Variants in XCR1 observed in about 807,000 individuals in gnomAD.
XCR1 encodes the protein X-C motif chemokine receptor 1, also known as chemokine XC receptor 1.
For synonymous variants in XCR1, 187 were observed against 188.5 expected (o/e 0.99, Z 0.06); for missense variants, 356 against 424.2 (o/e 0.84, Z 1.41).
rs1042284892 is a variant in XCR1 at position 46,022,000 on chromosome 3, G to A, written c.-31-22C>T. On this transcript the variant is annotated intron_variant, in intron 1 of 1. Transcript: ENST00000309285. The surrounding 1 kb of genome is among the most constrained non-coding windows in gnomAD (Gnocchi z 4.7). Reference sequence around the variant, plus strand: ...GCATCTGAAATGATAGAGACATGGAGTTTAAAGCCATGTGGTGGCTGGGTA... The same window carrying A: ...GCATCTGAAATGATAGAGACATGGAATTTAAAGCCATGTGGTGGCTGGGTA... 19 of 1,549,008 alleles carry A rather than the reference G, an allele frequency of 1.2e-5. No homozygotes were observed. In the African/African-American group the frequency reaches 2.1e-4, roughly 17 times the overall value.
At chr3:46,070,118 T>C (rs1219060971) in intron 3 of XCR1, among the ~76,000 whole-genome samples, 1 of 152,142 alleles carries the variant, frequency 6.6e-6, no homozygotes, top group African/African-American at 2.4e-5. Flanking sequence ...TATTGATTTC[T>C]AGTTTTATTC....
In XCR1 at chr3:46,020,797, T is replaced by C. The variant is rs1020555534; in HGVS notation, c.*149A>G. 33 of 1,109,134 alleles carry C rather than the reference T, an allele frequency of 3.0e-5. No homozygotes were observed. The East Asian group carries it at 8.6e-4, about 29-fold the overall frequency. The allele number at this position is 1,109,134 out of a possible 1,614,324, so 68.7% of individuals were successfully genotyped here. On this transcript the variant is annotated 3_prime_UTR_variant, in exon 2 of 2. Coordinates refer to ENST00000309285, the MANE Select transcript of XCR1 (RefSeq NM_001024644.2). ...ATGAGAGGCTGGCGGGACCCACTGG[T>C]GTAATGAATGACCTTCACTGCACGC...
At chr3:46,085,830 G>T (rs940840756), upstream of XCR1, among the ~76,000 whole-genome samples, 3 of 152,158 alleles carry the variant, frequency 2.0e-5, no homozygotes, top group Admixed American at 6.5e-5. Context: ...GCATCTGGGA[G>T]CTTGTTAGAA....
intron 4 of XCR1, among the ~76,000 whole-genome samples, chr3:46,061,122 G>T (rs1307922716): frequency 6.6e-6 from 1 of 152,134 alleles, no homozygotes; most frequent in Admixed American, 6.5e-5. Flanking sequence ...TTTTGGTGGG[G>T]GGAATGGGAG....
intron 1 of XCR1, among the ~76,000 whole-genome samples, chr3:46,081,545 G>A (rs1302853919): frequency 6.6e-6 from 1 of 152,146 alleles, no homozygotes; most frequent in Non-Finnish European, 1.5e-5. Context: ...AAAAATCATG[G>A]CCTGTAACTG....
intron 5 of XCR1, among the ~76,000 whole-genome samples, chr3:46,033,040 T>C (rs1169507367): frequency 6.6e-6 from 1 of 152,198 alleles, no homozygotes; most frequent in East Asian, 1.9e-4. Context: ...ATATCCAAAA[T>C]TTTTTTCAAA....
rs767644121 is a variant in XCR1 at position 46,020,244 on chromosome 3, C to T, written c.*702G>A. The T allele has an allele frequency of 2.0e-5, 3 of 152,250 alleles. No homozygotes were observed. The highest frequency in any genetic ancestry group is 4.4e-5 in the Non-Finnish European group (3 of 68,046). The allele number at this position is 152,250 out of a possible 1,614,324, so 9.4% of individuals were successfully genotyped here. Reference sequence around the variant, plus strand: ...TGTATCTCATTCATCTTTGTATTCTCTGAATAAATACTTAGTGCAGAAGGT... The same window carrying T: ...TGTATCTCATTCATCTTTGTATTCTTTGAATAAATACTTAGTGCAGAAGGT... On this transcript the variant is annotated 3_prime_UTR_variant, in exon 2 of 2. Transcript: ENST00000309285.
chr3:46,033,407 C>T (rs982321587), intron 5 of XCR1, among the ~76,000 whole-genome samples: 5 of 152,124 alleles, frequency 3.3e-5, no homozygotes, highest in African/African-American at 1.2e-4. Context: ...TGTAGATGTA[C>T]AATTGTTCTA....
chr3:46,059,591 A>C (rs1459203720), intron 4 of XCR1, among the ~76,000 whole-genome samples: 1 of 152,170 alleles, frequency 6.6e-6, no homozygotes, highest in Non-Finnish European at 1.5e-5. Flanking sequence ...TAAAAAAAAA[A>C]CTTTCACTCT....
intron 3 of XCR1, among the ~76,000 whole-genome samples, chr3:46,071,863 G>A (rs1252034778): frequency 6.6e-6 from 1 of 151,912 alleles, no homozygotes; most frequent in South Asian, 2.1e-4. Flanking sequence ...CATACTGAAC[G>A]GTGGAAAGTT....
intron 3 of XCR1, among the ~76,000 whole-genome samples, chr3:46,068,781 CGTGT>C (rs10583362): frequency 0.23 from 34,679 of 150,100 alleles, 4,198 homozygotes; most frequent in Middle Eastern, 0.32. Flanking sequence ...ACATCATGGA[CGTGT>C]GTGTGTGTGT....
At chr3:46,059,199 C>T (rs2036295) in intron 4 of XCR1, among the ~76,000 whole-genome samples, 48,669 of 152,068 alleles carry the variant, frequency 0.32, 9,993 homozygotes, top group African/African-American at 0.59. Flanking sequence ...TCTGTCTCAG[C>T]CTGTACCTAT....
At chr3:46,064,235 C>G (rs1486821280) in intron 4 of XCR1, among the ~76,000 whole-genome samples, 1 of 152,124 alleles carries the variant, frequency 6.6e-6, no homozygotes, top group Non-Finnish European at 1.5e-5. Context: ...ATATCATGTG[C>G]CAGGCACTGC....
Position 46,020,612 on chromosome 3 carries a change from C to A in XCR1, c.*334G>T, listed in dbSNP as rs1162045455. On this transcript the variant is annotated 3_prime_UTR_variant, in exon 2 of 2. Transcript: ENST00000309285. ...GCCCTGTAAAGTCTCCAAGGAAGCA[C>A]CTTTCCCAGAATCCTTTCATGTCTT... 2 of 313,876 alleles carry A rather than the reference C, an allele frequency of 6.4e-6. No individual in the cohort carries two copies. Among genetic ancestry groups the A allele is most frequent in the Non-Finnish European group, 1.2e-5 (2 of 168,922 alleles). The allele number at this position is 313,876 out of a possible 1,614,324, so 19.4% of individuals were successfully genotyped here. A position where few individuals can be genotyped will look rare whatever the true frequency, so the allele number is the denominator to read the frequency against.
At chr3:46,048,894 G>A (rs927145475) in intron 5 of XCR1, among the ~76,000 whole-genome samples, 3 of 152,176 alleles carry the variant, frequency 2.0e-5, no homozygotes, top group Non-Finnish European at 4.4e-5. Flanking sequence ...AATGTTTGAT[G>A]TGCCTGCTCT....
intron 1 of XCR1, among the ~76,000 whole-genome samples, chr3:46,026,586 CT>C (rs113662841): frequency 0.031 from 4,371 of 142,688 alleles, 136 homozygotes; most frequent in African/African-American, 0.086. Flanking sequence ...TCTTCTTCTT[CT>C]TTTTTTTTTT....
chr3:46,084,667 T>C lies in XCR1; in HGVS notation c.-515+1127A>G, dbSNP rs566352463. ...CTTGTACAGATGTAGCTGGAGGCCATTATCCTAGGCGAATTAATGCAGGAA... is the reference window on the plus strand; with the variant it reads ...CTTGTACAGATGTAGCTGGAGGCCACTATCCTAGGCGAATTAATGCAGGAA... On this transcript the variant is annotated intron_variant, in intron 1 of 5. Coordinates refer to the XCR1 transcript ENST00000683768. Among the ~76,000 whole-genome samples the C allele has an allele frequency of 2.6e-5, 4 of 152,340 alleles. 1 individual carries two copies. In the South Asian group the frequency reaches 8.3e-4, roughly 32 times the overall value.
At chr3:46,060,537 G>A (rs1421600297) in intron 4 of XCR1, among the ~76,000 whole-genome samples, 1 of 152,158 alleles carries the variant, frequency 6.6e-6, no homozygotes, top group Non-Finnish European at 1.5e-5. Context: ...AAGTGGCAGG[G>A]TGGCAGTTTT....
rs1350126306 is a variant in XCR1 at position 46,018,235 on chromosome 3, T to C, written c.*2711A>G. On this transcript the variant is annotated 3_prime_UTR_variant, in exon 2 of 2. Coordinates refer to ENST00000309285, the MANE Select transcript of XCR1 (RefSeq NM_001024644.2). ...TACAAGAGAAGCATCTTGGGATGGG[T>C]AGGAATGGGATGGCATGGGGAGAGG... The C allele has an allele frequency of 6.6e-6, 1 of 151,860 alleles. No homozygotes were observed. Among genetic ancestry groups the C allele is most frequent in the African/African-American group, 2.4e-5 (1 of 41,300 alleles). 9.4% of individuals were successfully genotyped at this position (151,860 alleles called of 1,614,324 possible).
Sources: allele counts gnomAD v4.1 joint callset (sites outside exome capture counted in the v4.1 genomes callset), GRCh38; gene constraint gnomAD v4.1.1; non-coding constraint Gnocchi (gnomAD v3.1); transcripts MANE v1.5; gene names NCBI Gene and HGNC (gene_info 2026-07-23, HGNC 2026-07-21).